UNC13C: variants seen among roughly 807,000 people sequenced by gnomAD.
UNC13C encodes unc-13 homolog C, also known as protein unc-13 homolog C.
Under a neutral mutation model 245.4 loss-of-function variants are expected in UNC13C, and 174 were observed. The observed-to-expected ratio is 0.71, with a 90% CI of 0.63 to 0.80. The LOEUF (loss-of-function observed/expected upper bound fraction) is 0.80, where lower values mean the gene tolerates loss of function less well. Ranked by LOEUF, UNC13C falls within the 30% of genes least tolerant of loss-of-function variation. UNC13C has a pLI of 0.00. For missense variants in UNC13C, 2,829 were observed against 2,602.9 expected, an observed-to-expected ratio of 1.09 and a Z score of -1.89; for synonymous variants, 992 against 895.1, an observed-to-expected ratio of 1.11 and a Z score of -1.93.
At chr15:54,248,042 A>G (rs2036043676) in intron 7 of UNC13C, among the ~76,000 whole-genome samples, 1 of 152,168 alleles carries the variant, frequency 6.6e-6, no homozygotes, top group African/African-American at 2.4e-5. Flanking sequence ...TTAATCATTT[A>G]CTTAATCTTG....
chr15:54,303,732 G>T (rs1296432697), intron 13 of UNC13C, among the ~76,000 whole-genome samples: 2 of 151,636 alleles, frequency 1.3e-5, no homozygotes, highest in Non-Finnish European at 2.9e-5. Context: ...GCCCAAGGTG[G>T]TCGGGGCACA....
chr15:54,051,934 CCA>C, intron 2 of UNC13C, among the ~76,000 whole-genome samples: 1 of 132,882 alleles, frequency 7.5e-6, no homozygotes. Context: ...ACCACAGTCC[CCA>C]GAGTGTGATA....
chr15:53,904,893 T>C, the UNC13C span, among the ~76,000 whole-genome samples: 1 of 152,164 alleles, frequency 6.6e-6, no homozygotes, highest in Non-Finnish European at 1.5e-5. Context: ...AACCTAGAGA[T>C]GTTGTGGATT....
chr15:54,186,842 T>TATATATATATAC (rs1201006554), intron 4 of UNC13C, among the ~76,000 whole-genome samples: 1 of 116,598 alleles, frequency 8.6e-6, no homozygotes, highest in African/African-American at 4.5e-5. Context: ...ACATAATATA[T>TATATATATATAC]ATGTATATAT....
chr15:54,611,315 C>T (rs1015671597), intron 30 of UNC13C, among the ~76,000 whole-genome samples: 7 of 152,004 alleles, frequency 4.6e-5, no homozygotes, highest in Non-Finnish European at 8.8e-5. Flanking sequence ...TCAGCAAGAG[C>T]CCTTGGGTTT....
intron 19 of UNC13C, among the ~76,000 whole-genome samples, chr15:54,419,704 A>G (rs2040597639): frequency 6.6e-6 from 1 of 152,130 alleles, no homozygotes; most frequent in African/African-American, 2.4e-5. Context: ...AATAAGGAAC[A>G]ACAGTGGACA....
At chr15:54,192,391 C>A (rs1181876147) in intron 4 of UNC13C, among the ~76,000 whole-genome samples, 1 of 151,984 alleles carries the variant, frequency 6.6e-6, no homozygotes, top group Non-Finnish European at 1.5e-5. Context: ...GCATTGCAGG[C>A]AAGGATAGAT....
the UNC13C span, among the ~76,000 whole-genome samples, chr15:53,873,454 G>A: frequency 6.6e-6 from 1 of 152,168 alleles, no homozygotes; most frequent in African/African-American, 2.4e-5. Flanking sequence ...GGAAACTCAT[G>A]GAGCAGCTTT....
intron 19 of UNC13C, among the ~76,000 whole-genome samples, chr15:54,454,138 T>A (rs554377950): frequency 1.2e-3 from 180 of 150,970 alleles, no homozygotes; most frequent in Non-Finnish European, 1.9e-3. Context: ...TATATATATA[T>A]AAAATACAAT....
intron 2 of UNC13C, among the ~76,000 whole-genome samples, chr15:54,060,250 T>G (rs1897749370): frequency 6.6e-6 from 1 of 151,906 alleles, no homozygotes. Context: ...GAATCTACAA[T>G]GAACTCAAAC....
chr15:53,957,537 A>T, the UNC13C span, among the ~76,000 whole-genome samples: 2 of 152,184 alleles, frequency 1.3e-5, no homozygotes, highest in African/African-American at 4.8e-5. Flanking sequence ...ATCTCACAAC[A>T]TCGTGAATGT....
intron 19 of UNC13C, among the ~76,000 whole-genome samples, chr15:54,451,212 C>G (rs954696069): frequency 1.3e-5 from 2 of 151,260 alleles, no homozygotes; most frequent in Non-Finnish European, 2.9e-5. Flanking sequence ...GAGGAATTAC[C>G]TCAGTTTTTG....
downstream of UNC13C, chr15:54,628,800 A>C (rs1181022192): frequency 6.9e-6 from 1 of 144,450 alleles, no homozygotes; most frequent in East Asian, 2.0e-4. Flanking sequence ...GAGGTTGTGA[A>C]GAAAAATGTT....
At chr15:54,494,567 C>A in intron 19 of UNC13C, 41 bp from the exon 20 acceptor site, 6 of 1,495,664 alleles carry the variant, frequency 4.0e-6, no homozygotes, top group Non-Finnish European at 5.3e-6. Flanking sequence ...GCATTGTTGG[C>A]AAACCAAGCT....
intron 4 of UNC13C, among the ~76,000 whole-genome samples, chr15:54,216,542 G>A (rs1230798620): frequency 2.0e-5 from 3 of 151,868 alleles, no homozygotes; most frequent in Non-Finnish European, 4.4e-5. Context: ...GCACTCAGCA[G>A]AACAGACATA....
At chr15:54,007,663 A>G (rs1008757551) in intron 1 of UNC13C, among the ~76,000 whole-genome samples, 3 of 152,210 alleles carry the variant, frequency 2.0e-5, no homozygotes, top group African/African-American at 7.2e-5. Flanking sequence ...AATGTGTGCT[A>G]GGCTTAATAC....
At chr15:54,080,508 A>C (rs1456448383) in intron 2 of UNC13C, among the ~76,000 whole-genome samples, 1 of 151,866 alleles carries the variant, frequency 6.6e-6, no homozygotes, top group Non-Finnish European at 1.5e-5. Context: ...ACTTGTTATT[A>C]GTCTGTTCAG....
intron 4 of UNC13C, among the ~76,000 whole-genome samples, chr15:54,195,892 A>G (rs549399864): frequency 1.5e-3 from 230 of 152,244 alleles, no homozygotes; most frequent in Non-Finnish European, 2.9e-3. Context: ...TAAATTAATT[A>G]AAATCATCTG....
At chr15:54,280,733 T>C (rs1344045701) in intron 10 of UNC13C, among the ~76,000 whole-genome samples, 2 of 104,914 alleles carry the variant, frequency 1.9e-5, no homozygotes, top group African/African-American at 4.2e-5. Flanking sequence ...AACATATGTA[T>C]ACATACATAT....
Sources: gnomAD v4.1 joint callset for allele counts (sites outside exome capture counted in the v4.1 genomes callset) on GRCh38, gnomAD v4.1.1 for gene constraint, MANE v1.5 for transcripts, NCBI Gene and HGNC (gene_info 2026-07-23, HGNC 2026-07-21) for gene names.